The following CARMIL1 variants were observed in gnomAD, a reference collection of about 807,000 sequenced individuals.
CARMIL1 encodes capping protein regulator and myosin 1 linker 1.
A neutral mutation model predicts 177.1 loss-of-function variants in CARMIL1; 90 were observed. That is an observed-to-expected ratio of 0.51 (90% CI 0.43 to 0.61). The LOEUF is 0.61. CARMIL1 is among the 20% of genes least tolerant of loss of function. The pLI is 0.00. For missense variants in CARMIL1, 1,380 were observed against 1,667.0 expected, an observed-to-expected ratio of 0.83 and a Z score of 3.00; for synonymous variants, 577 against 606.2, an observed-to-expected ratio of 0.95 and a Z score of 0.71.
At chr6:25,570,215 C>T (rs1181134663) in intron 29 of CARMIL1, among the ~76,000 whole-genome samples, 1 of 152,174 alleles carries the variant, frequency 6.6e-6, no homozygotes, top group African/African-American at 2.4e-5. Flanking sequence ...CTGCCCGCCT[C>T]GGCCTCCCAA....
chr6:25,286,929 A>C (rs2150132916), intron 2 of CARMIL1, among the ~76,000 whole-genome samples: 1 of 152,334 alleles, frequency 6.6e-6, no homozygotes, highest in South Asian at 2.1e-4. Context: ...GTTGTAACCA[A>C]ATTAAAAATG....
intron 2 of CARMIL1, among the ~76,000 whole-genome samples, chr6:25,338,169 A>C (rs913560206): frequency 6.6e-6 from 1 of 152,144 alleles, no homozygotes; most frequent in African/African-American, 2.4e-5. Flanking sequence ...AGTCAGGAGA[A>C]TCGCTTGAAC....
chr6:25,421,361 A>T (rs909559692), intron 3 of CARMIL1, among the ~76,000 whole-genome samples: 1 of 152,140 alleles, frequency 6.6e-6, no homozygotes, highest in Non-Finnish European at 1.5e-5. Context: ...AATCATTAAA[A>T]AGTCAGGAAA....
chr6:25,551,382 G>T (rs932132165), intron 27 of CARMIL1, among the ~76,000 whole-genome samples: 2 of 152,136 alleles, frequency 1.3e-5, no homozygotes, highest in African/African-American at 4.8e-5. Flanking sequence ...TGTTTCTGAA[G>T]TTTATCTTTC....
intron 3 of CARMIL1, among the ~76,000 whole-genome samples, chr6:25,421,942 G>A (rs1261130195): frequency 1.3e-5 from 2 of 151,064 alleles, no homozygotes; most frequent in Admixed American, 6.6e-5. Context: ...AATGGGTGCA[G>A]CACACCAACA....
intron 5 of CARMIL1, among the ~76,000 whole-genome samples, chr6:25,436,490 G>A (rs545375194): frequency 6.6e-6 from 1 of 152,310 alleles, no homozygotes; most frequent in South Asian, 2.1e-4. Context: ...CATAAAACAT[G>A]CTCCTCCTGC....
At chr6:25,286,231 G>A (rs75059489) in intron 2 of CARMIL1, among the ~76,000 whole-genome samples, 1,529 of 152,358 alleles carry the variant, frequency 0.01, 53 homozygotes, top group East Asian at 0.094. Flanking sequence ...AGAATTTGAA[G>A]TGTCTTTCTG....
At chr6:25,411,626 A>G (rs1421224632) in intron 2 of CARMIL1, among the ~76,000 whole-genome samples, 1 of 152,230 alleles carries the variant, frequency 6.6e-6, no homozygotes, top group Non-Finnish European at 1.5e-5. Flanking sequence ...GACTTTGGAA[A>G]GAATGAAGTG....
At chr6:25,394,989 T>G (rs1214863610) in intron 2 of CARMIL1, among the ~76,000 whole-genome samples, 1 of 152,346 alleles carries the variant, frequency 6.6e-6, no homozygotes, top group Non-Finnish European at 1.5e-5. Flanking sequence ...TATGGTAAGG[T>G]GTATCTAATT....
intron 1 of CARMIL1, among the ~76,000 whole-genome samples, chr6:25,281,022 T>A (rs1195706972): frequency 1.3e-5 from 2 of 152,152 alleles, no homozygotes; most frequent in African/African-American, 4.8e-5. Context: ...GTAGAGAGGC[T>A]GTTGCTAGGT....
chr6:25,586,228 ACTTCT>A, intron 31 of CARMIL1, among the ~76,000 whole-genome samples: 1 of 144,370 alleles, frequency 6.9e-6, no homozygotes, highest in African/African-American at 2.7e-5. Flanking sequence ...GGGGCTCCTC[ACTTCT>A]CAGACGGGGT....
intron 13 of CARMIL1, among the ~76,000 whole-genome samples, chr6:25,490,698 AAAATAAATAAATAAATAAATAAAT>A (rs199709831): frequency 1.4e-4 from 18 of 124,982 alleles, no homozygotes; most frequent in East Asian, 7.6e-4. Context: ...ACCCTGTCTT[AAAATAAATAAATAAATAAATAAAT>A]AAATAAATAA....
At chr6:25,385,381 A>G (rs909403346) in intron 2 of CARMIL1, among the ~76,000 whole-genome samples, 3 of 152,212 alleles carry the variant, frequency 2.0e-5, no homozygotes, top group African/African-American at 7.2e-5. Flanking sequence ...TTTGTGTTCT[A>G]GAAGAATCCC....
chr6:25,435,658 C>A, intron 5 of CARMIL1, 54 bp downstream of exon 5: 2 of 1,512,616 alleles, frequency 1.3e-6, no homozygotes, highest in Admixed American at 4.5e-5. Context: ...TTCCTCAAAA[C>A]GGCAAATACA....
intron 2 of CARMIL1, among the ~76,000 whole-genome samples, chr6:25,288,877 C>A (rs552922222): frequency 6.6e-6 from 1 of 152,298 alleles, no homozygotes; most frequent in East Asian, 1.9e-4. Flanking sequence ...CAGGAGTGTT[C>A]TATTCTCAAA....
At chr6:25,415,852 T>C (rs2150668270) in intron 2 of CARMIL1, among the ~76,000 whole-genome samples, 1 of 151,862 alleles carries the variant, frequency 6.6e-6, no homozygotes, top group South Asian at 2.1e-4. Flanking sequence ...GTGATTCTCA[T>C]GGAGAAGGGG....
intron 3 of CARMIL1, among the ~76,000 whole-genome samples, chr6:25,426,190 G>A (rs1796261893): frequency 6.6e-6 from 1 of 152,164 alleles, no homozygotes; most frequent in Admixed American, 6.6e-5. Context: ...CAAAAACTGT[G>A]ATTGCTTTTG....
In CARMIL1 at chr6:25,509,624, CT is replaced by C. The variant is rs1562231088; in HGVS notation, c.1396-29del. ...GATTACATCTCCAGTAGAGTGAAGA[CT>C]TTACTTTGTGTTTGGTTTGTGTTTC... is the stretch of plus-strand genomic sequence containing the variant. On this transcript the variant is annotated intron_variant, in intron 17 of 36. Coordinates refer to ENST00000329474, the MANE Select transcript of CARMIL1 (RefSeq NM_017640.6). This position sits in a 1 kb window ranked among gnomAD's most constrained non-coding sequence, Gnocchi z 4.1. The C allele has an allele frequency of 6.1e-6, 9 of 1,471,322 alleles. No individual in the cohort carries two copies. The highest frequency in any genetic ancestry group is 8.5e-6 in the Non-Finnish European group (9 of 1,062,734). 91.1% of individuals were successfully genotyped at this position (1,471,322 alleles called of 1,614,324 possible). A position where few individuals can be genotyped will look rare whatever the true frequency, so the allele number is the denominator to read the frequency against.
intron 2 of CARMIL1, among the ~76,000 whole-genome samples, chr6:25,391,979 A>G (rs1474562762): frequency 6.6e-6 from 1 of 152,160 alleles, no homozygotes; most frequent in Non-Finnish European, 1.5e-5. Flanking sequence ...TTATTACTAC[A>G]TAATTTTAGT....
Sources: gnomAD v4.1 joint callset for allele counts (sites outside exome capture counted in the v4.1 genomes callset) on GRCh38, gnomAD v4.1.1 for gene constraint, Gnocchi (gnomAD v3.1) non-coding constraint, MANE v1.5 for transcripts, NCBI Gene and HGNC (gene_info 2026-07-23, HGNC 2026-07-21) for gene names.